The following PCDH7 variants were observed in gnomAD, a reference collection of about 807,000 sequenced individuals.
The protein encoded by PCDH7 is protocadherin 7.
A neutral mutation model predicts 58.9 loss-of-function variants in PCDH7; 17 were observed. The ratio of observed to expected loss-of-function variants is 0.29; its 90% CI spans 0.20 to 0.43. The LOEUF is 0.43. PCDH7 is among the 20% of genes least tolerant of loss of function. The pLI, the probability that PCDH7 is intolerant of heterozygous loss-of-function variation, is 1.00. For missense variants in PCDH7, 1,274 were observed against 1,441.0 expected (o/e 0.88, Z 1.88); for synonymous variants, 664 against 616.4 (o/e 1.08, Z -1.14).
intron 3 of PCDH7, among the ~76,000 whole-genome samples, chr4:31,076,687 T>C (rs1177582510): frequency 6.6e-6 from 1 of 152,200 alleles, no homozygotes; most frequent in Non-Finnish European, 1.5e-5. Context: ...TCAACATAGT[T>C]AGTAATATTA....
downstream of PCDH7, among the ~76,000 whole-genome samples, chr4:30,733,774 TC>T (rs1314720595): frequency 6.6e-6 from 1 of 152,054 alleles, no homozygotes; most frequent in Non-Finnish European, 1.5e-5. Flanking sequence ...CCTTATAACG[TC>T]TGTGAAAAAA....
At chr4:30,851,590 G>T (rs549473827) in intron 1 of PCDH7, among the ~76,000 whole-genome samples, 2 of 152,000 alleles carry the variant, frequency 1.3e-5, no homozygotes, top group Non-Finnish European at 2.9e-5. Context: ...CTGAGCTTCA[G>T]TTGCTTCATT....
intron 1 of PCDH7, among the ~76,000 whole-genome samples, chr4:30,872,854 G>C (rs1159934998): frequency 6.6e-6 from 1 of 151,992 alleles, no homozygotes; most frequent in Non-Finnish European, 1.5e-5. Context: ...CATTATAATA[G>C]TGACTACCTT....
chr4:30,807,905 T>C (rs1726449227), intron 1 of PCDH7, among the ~76,000 whole-genome samples: 1 of 152,198 alleles, frequency 6.6e-6, no homozygotes, highest in Non-Finnish European at 1.5e-5. Context: ...CTCTGATACA[T>C]GAGAGGTGTC....
At position 31,124,852 on chromosome 4, in the gene PCDH7, A is replaced by G. The variant is rs1718108898; in HGVS notation, c.*8-17621A>G. 4.6e-5 allele frequency among the ~76,000 whole-genome samples: 7 copies of G among 152,236 alleles called. 1 individual carries two copies. The South Asian group carries it at 1.5e-3, about 32-fold the overall frequency. On this transcript the variant is annotated intron_variant, in intron 3 of 3. Coordinates refer to the PCDH7 transcript ENST00000509759. ...TTGTTTGCCAGAAATAACTGTCCAAATCATACTCCTTTTTTCTGTTGTTAA... is the reference window on the plus strand; with the variant it reads ...TTGTTTGCCAGAAATAACTGTCCAAGTCATACTCCTTTTTTCTGTTGTTAA...
chr4:31,055,340 A>G (rs747567908), intron 3 of PCDH7, among the ~76,000 whole-genome samples: 1 of 152,136 alleles, frequency 6.6e-6, no homozygotes, highest in Admixed American at 6.6e-5. Context: ...ATGATGAGTT[A>G]AAATTTTTGA....
At chr4:30,982,694 AC>A (rs1750670787) in intron 3 of PCDH7, among the ~76,000 whole-genome samples, 1 of 152,134 alleles carries the variant, frequency 6.6e-6, no homozygotes, top group Non-Finnish European at 1.5e-5. Flanking sequence ...AGGATGTCAG[AC>A]TTTTGTTGAT....
intron 3 of PCDH7, among the ~76,000 whole-genome samples, chr4:30,990,556 T>C (rs1751383030): frequency 6.6e-6 from 1 of 152,144 alleles, no homozygotes; most frequent in South Asian, 2.1e-4. Context: ...TGGTACAATG[T>C]TTAAGAAGAA....
At chr4:30,735,699 G>A (rs1560314036), downstream of PCDH7, among the ~76,000 whole-genome samples, 1 of 152,140 alleles carries the variant, frequency 6.6e-6, no homozygotes, top group Non-Finnish European at 1.5e-5. Flanking sequence ...TTGTGTTAAC[G>A]TATCTTGAAT....
chr4:31,039,844 A>G (rs1169291721), intron 3 of PCDH7, among the ~76,000 whole-genome samples: 2 of 152,196 alleles, frequency 1.3e-5, no homozygotes, highest in Non-Finnish European at 2.9e-5. Context: ...TCGTGATTAT[A>G]TCTTCAAAAC....
intron 3 of PCDH7, among the ~76,000 whole-genome samples, chr4:30,989,201 G>A (rs1751246247): frequency 6.6e-6 from 1 of 151,892 alleles, no homozygotes; most frequent in African/African-American, 2.4e-5. Context: ...TGATAAAGTT[G>A]AAGAGATTTC....
chr4:30,992,303 A>G (rs891140760), intron 3 of PCDH7, among the ~76,000 whole-genome samples: 1 of 152,178 alleles, frequency 6.6e-6, no homozygotes, highest in Non-Finnish European at 1.5e-5. Flanking sequence ...CACAATGGAT[A>G]ATTCCCAATC....
At chr4:31,027,610 A>G (rs1754544329) in intron 3 of PCDH7, among the ~76,000 whole-genome samples, 1 of 151,996 alleles carries the variant, frequency 6.6e-6, no homozygotes, top group Non-Finnish European at 1.5e-5. Flanking sequence ...TTTAGTAGAT[A>G]TGGGGTTTCA....
intron 1 of PCDH7, among the ~76,000 whole-genome samples, chr4:30,799,439 A>C (rs949039915): frequency 5.3e-5 from 8 of 152,228 alleles, no homozygotes; most frequent in African/African-American, 1.9e-4. Context: ...CATCTATGCA[A>C]AGTAGTTAAC....
intron 1 of PCDH7, among the ~76,000 whole-genome samples, chr4:30,913,198 CAT>C (rs1156763892): frequency 6.6e-6 from 1 of 151,462 alleles, no homozygotes; most frequent in East Asian, 1.9e-4. Context: ...CATTAATAGT[CAT>C]GTGAATTTCA....
intron 3 of PCDH7, among the ~76,000 whole-genome samples, chr4:31,057,883 G>T (rs546081232): frequency 6.6e-6 from 1 of 152,096 alleles, no homozygotes; most frequent in South Asian, 2.1e-4. Flanking sequence ...CATGTACCTG[G>T]AATATGTACA....
intron 1 of PCDH7, among the ~76,000 whole-genome samples, chr4:30,892,051 TG>T (rs1419565562): frequency 6.6e-6 from 1 of 152,068 alleles, no homozygotes; most frequent in Non-Finnish European, 1.5e-5. Context: ...TTTCTAACCT[TG>T]AGGAAATTTC....
intron 2 of PCDH7, among the ~76,000 whole-genome samples, chr4:30,931,154 A>G (rs967808822): frequency 7.2e-5 from 11 of 151,858 alleles, no homozygotes; most frequent in African/African-American, 2.7e-4. Context: ...TGTTTTTACC[A>G]CCCCTTTTCC....
intron 3 of PCDH7, among the ~76,000 whole-genome samples, chr4:30,973,722 C>A (rs1286296078): frequency 1.3e-5 from 2 of 151,608 alleles, no homozygotes; most frequent in African/African-American, 4.8e-5. Context: ...TTTATTCTTA[C>A]GTTAGTTCAG....
Sources: gnomAD v4.1 joint callset for allele counts (sites outside exome capture counted in the v4.1 genomes callset) on GRCh38, gnomAD v4.1.1 for gene constraint, MANE v1.5 for transcripts, NCBI Gene and HGNC (gene_info 2026-07-23, HGNC 2026-07-21) for gene names.